TRDN: variants seen among roughly 807,000 people sequenced by gnomAD.
The protein encoded by TRDN is triadin in skeletal muscle.
Under a neutral mutation model 149.7 loss-of-function variants are expected in TRDN, and 161 were observed. The observed-to-expected ratio is 1.08, with a 90% confidence interval of 0.95 to 1.23. TRDN has a LOEUF of 1.23. Among genes scored for constraint, TRDN ranks in the 50% most tolerant of loss-of-function variants. The pLI, the probability that TRDN is intolerant of heterozygous loss-of-function variation, is 0.00. For synonymous variants in TRDN, 294 were observed against 250.5 expected, an observed-to-expected ratio of 1.17 and a Z score of -1.64; for missense variants, 896 against 823.5, an observed-to-expected ratio of 1.09 and a Z score of -1.08.
At chr6:123,561,960 T>C (rs1357449127) in intron 2 of TRDN, among the ~76,000 whole-genome samples, 1 of 152,156 alleles carries the variant, frequency 6.6e-6, no homozygotes, top group Non-Finnish European at 1.5e-5. Flanking sequence ...GAGCCCAAGC[T>C]AAGCCATCAT....
intron 10 of TRDN, among the ~76,000 whole-genome samples, chr6:123,446,130 A>G (rs12178523): frequency 2.1e-3 from 323 of 151,488 alleles, no homozygotes; most frequent in African/African-American, 7.6e-3. Context: ...GTAAACTATC[A>G]CAAGAACAAA....
At chr6:123,571,195 A>C in intron 1 of TRDN, 63 bp from the exon 2 acceptor site, 1 of 1,540,422 alleles carries the variant, frequency 6.5e-7, no homozygotes, top group Admixed American at 1.8e-5. Flanking sequence ...TGATGATGAG[A>C]AACACTGACT....
intron 1 of TRDN, among the ~76,000 whole-genome samples, chr6:123,579,633 G>A (rs540651865): frequency 6.6e-6 from 1 of 152,058 alleles, no homozygotes; most frequent in Non-Finnish European, 1.5e-5. Flanking sequence ...GCCAAGTTTT[G>A]GTATGAGGAT....
At chr6:123,377,094 T>C (rs1781537285) in intron 18 of TRDN, among the ~76,000 whole-genome samples, 5 of 152,192 alleles carry the variant, frequency 3.3e-5, no homozygotes, top group African/African-American at 1.2e-4. Context: ...TAGTTTTTGT[T>C]GATAGGTTTA....
chr6:123,453,747 A>T (rs373914383), intron 10 of TRDN, among the ~76,000 whole-genome samples: 1 of 152,140 alleles, frequency 6.6e-6, no homozygotes, highest in East Asian at 1.9e-4. Flanking sequence ...CAGCAATCCC[A>T]CTACTGAGTA....
intron 10 of TRDN, among the ~76,000 whole-genome samples, chr6:123,454,203 A>G (rs1775967554): frequency 6.6e-6 from 1 of 152,096 alleles, no homozygotes; most frequent in African/African-American, 2.4e-5. Flanking sequence ...TGATGGGTGC[A>G]CCAAAATCTC....
chr6:123,572,991 C>T (rs972141948), intron 1 of TRDN, among the ~76,000 whole-genome samples: 1 of 152,004 alleles, frequency 6.6e-6, no homozygotes, highest in African/African-American at 2.4e-5. Context: ...AGATTTTAGC[C>T]TTTGTGCTCT....
chr6:123,357,886 GT>G (rs982658918), intron 20 of TRDN, among the ~76,000 whole-genome samples: 3 of 152,130 alleles, frequency 2.0e-5, no homozygotes, highest in African/African-American at 7.2e-5. Flanking sequence ...AAAGTGCTAT[GT>G]TTTTTGTTGC....
At chr6:123,344,506 T>C (rs541074251) in intron 21 of TRDN, among the ~76,000 whole-genome samples, 73 of 152,162 alleles carry the variant, frequency 4.8e-4, no homozygotes, top group African/African-American at 1.3e-3. Context: ...TTCCAGAATG[T>C]CATACAGTTG....
intron 23 of TRDN, among the ~76,000 whole-genome samples, chr6:123,331,580 C>T (rs917796711): frequency 6.6e-6 from 1 of 151,950 alleles, no homozygotes; most frequent in African/African-American, 2.4e-5. Flanking sequence ...AAGATTCGCT[C>T]TTTGGATATT....
intron 38 of TRDN, among the ~76,000 whole-genome samples, chr6:123,242,490 T>A (rs1334370974): frequency 6.6e-6 from 1 of 152,044 alleles, no homozygotes; most frequent in African/African-American, 2.4e-5. Context: ...AGAATAAAAA[T>A]CAAATGAATA....
intron 13 of TRDN, among the ~76,000 whole-genome samples, chr6:123,388,975 C>T (rs1782010088): frequency 6.6e-6 from 1 of 152,126 alleles, no homozygotes; most frequent in Non-Finnish European, 1.5e-5. Context: ...ATATACTAGT[C>T]TGCAGTCTAC....
chr6:123,253,166 C>A (rs1776434825), intron 37 of TRDN, among the ~76,000 whole-genome samples: 1 of 151,928 alleles, frequency 6.6e-6, no homozygotes, highest in South Asian at 2.1e-4. Context: ...TATTATTCTT[C>A]AAAGAAATGT....
At chr6:123,221,812 T>G (rs767218512) in intron 39 of TRDN, among the ~76,000 whole-genome samples, 2 of 151,736 alleles carry the variant, frequency 1.3e-5, no homozygotes, top group African/African-American at 4.8e-5. Context: ...TTAATGAGGA[T>G]AGTTGACATG....
intron 1 of TRDN, among the ~76,000 whole-genome samples, chr6:123,595,249 C>A (rs1200866360): frequency 6.6e-6 from 1 of 152,022 alleles, no homozygotes; most frequent in African/African-American, 2.4e-5. Context: ...TCTCATAGTT[C>A]TTTTGAATAA....
chr6:123,588,842 A>G (rs555608176), intron 1 of TRDN, among the ~76,000 whole-genome samples: 2 of 152,314 alleles, frequency 1.3e-5, no homozygotes, highest in East Asian at 3.9e-4. Context: ...AAAGACTATT[A>G]GTATATGTTA....
At chr6:123,594,394 A>C (rs1452504472) in intron 1 of TRDN, among the ~76,000 whole-genome samples, 2 of 152,020 alleles carry the variant, frequency 1.3e-5, no homozygotes, top group African/African-American at 4.8e-5. Flanking sequence ...CAAGGCACTA[A>C]CTCTCTTCAA....
intron 5 of TRDN, among the ~76,000 whole-genome samples, chr6:123,522,867 G>T (rs1277332116): frequency 6.6e-6 from 1 of 152,096 alleles, no homozygotes; most frequent in African/African-American, 2.4e-5. Flanking sequence ...TTTTTAATTT[G>T]ATATAAGCAT....
rs117893168 is a variant in TRDN, at chr6:123,285,953, A to G, written c.1511-6871T>C. Among the ~76,000 whole-genome samples the G allele has an allele frequency of 3.2e-3, 483 of 152,234 alleles. 18 individuals are homozygous for G. In the East Asian group the frequency reaches 0.079, roughly 25 times the overall value. The stretch of plus-strand genomic sequence containing the variant: ...CAACATCACTAATAATCAGGGAAAC[A>G]CAAATCAAAACCACAATATGATACC... On this transcript the variant is annotated intron_variant, in intron 24 of 40. Coordinates refer to ENST00000334268, the MANE Select transcript of TRDN (RefSeq NM_006073.4).
Sources: gnomAD v4.1 joint callset for allele counts (sites outside exome capture counted in the v4.1 genomes callset) on GRCh38, gnomAD v4.1.1 for gene constraint, MANE v1.5 for transcripts, NCBI Gene and HGNC (gene_info 2026-07-23, HGNC 2026-07-21) for gene names.